Variants in FCHSD2 observed in about 807,000 individuals in gnomAD.
FCHSD2 encodes FCH and double SH3 domains 2, also known as F-BAR and double SH3 domains protein 2.
A neutral mutation model predicts 108.1 loss-of-function variants in FCHSD2; 38 were observed. The observed-to-expected ratio is 0.35, with a 90% CI of 0.27 to 0.46. FCHSD2 has a LOEUF of 0.46. Ranked by LOEUF, FCHSD2 falls within the 20% of genes least tolerant of loss-of-function variation. FCHSD2 has a pLI of 1.00. For synonymous variants in FCHSD2, 279 were observed against 314.7 expected (o/e 0.89, Z 1.20); for missense variants, 751 against 897.8 (o/e 0.84, Z 2.09).
rs1267252799 is a variant in FCHSD2 at position 73,063,283 on chromosome 11, A to G, written c.165+20412T>C. On this transcript the variant is annotated intron_variant, in intron 3 of 19. Transcript: ENST00000409418. ...AGGCCTGCCTTTGAAGGGCTCCTGA[A>G]GGAAGCACTAAACATGGAAAGGAAC... Among the ~76,000 whole-genome samples, 3 of 152,360 alleles carry G rather than the reference A, an allele frequency of 2.0e-5. No homozygotes were observed. In the East Asian group the frequency reaches 5.8e-4, roughly 29 times the overall value.
intron 8 of FCHSD2, among the ~76,000 whole-genome samples, chr11:72,968,438 T>C (rs1856952965): frequency 6.6e-6 from 1 of 152,242 alleles, no homozygotes; most frequent in Non-Finnish European, 1.5e-5. Flanking sequence ...CCTGTAGTTA[T>C]GTCTTGATGT....
chr11:72,912,433 T>C (rs769462763), intron 9 of FCHSD2, among the ~76,000 whole-genome samples: 4 of 152,240 alleles, frequency 2.6e-5, no homozygotes, highest in East Asian at 1.9e-4. Context: ...ACAGAGTGAT[T>C]TGTGTATGTT....
chr11:72,840,995 A>C (rs750081391), intron 18 of FCHSD2, 36 bp from the exon 19 acceptor site: 7 of 1,513,374 alleles, frequency 4.6e-6, no homozygotes, highest in Non-Finnish European at 6.4e-6. Context: ...ATTTTACTTG[A>C]GTTGTTGAGC....
At chr11:72,955,891 A>G (rs778363393) in intron 8 of FCHSD2, among the ~76,000 whole-genome samples, 18 of 152,220 alleles carry the variant, frequency 1.2e-4, no homozygotes, top group Non-Finnish European at 2.2e-4. Context: ...ACATACATAT[A>G]TTTCCTAGTT....
At chr11:73,113,601 A>G (rs1860541696) in intron 2 of FCHSD2, among the ~76,000 whole-genome samples, 1 of 151,706 alleles carries the variant, frequency 6.6e-6, no homozygotes, top group Admixed American at 6.6e-5. Flanking sequence ...ATGCTTGTGG[A>G]TATTTGTCGG....
intron 8 of FCHSD2, among the ~76,000 whole-genome samples, chr11:72,928,190 T>C (rs796527069): frequency 7.2e-5 from 11 of 152,042 alleles, no homozygotes; most frequent in African/African-American, 2.7e-4. Context: ...CAGTGTATGT[T>C]GGAAATTTTT....
chr11:72,846,755 T>C (rs1861156386), intron 14 of FCHSD2, among the ~76,000 whole-genome samples: 1 of 152,214 alleles, frequency 6.6e-6, no homozygotes, highest in African/African-American at 2.4e-5. Context: ...ACAATATGTT[T>C]TTCCTGATTA....
intron 3 of FCHSD2, among the ~76,000 whole-genome samples, chr11:73,076,835 G>A (rs1442243618): frequency 2.6e-5 from 4 of 152,106 alleles, no homozygotes; most frequent in African/African-American, 4.8e-5. Flanking sequence ...GCTAGGCCCG[G>A]CGCAGTGCCT....
chr11:73,015,225 TC>T (rs2135432547), intron 4 of FCHSD2, among the ~76,000 whole-genome samples: 1 of 152,360 alleles, frequency 6.6e-6, no homozygotes, highest in South Asian at 2.1e-4. Flanking sequence ...TCCATTCTCA[TC>T]CACCTTCATT....
Position 73,020,740 on chromosome 11 carries a change from C to T in FCHSD2, c.166-4855G>A, listed in dbSNP as rs953424329. On this transcript the variant is annotated intron_variant, in intron 3 of 19. Coordinates refer to ENST00000409418, the MANE Select transcript of FCHSD2 (RefSeq NM_014824.3). The stretch of plus-strand genomic sequence containing the variant: ...TATTTACTTTTCCATAATTTCATGA[C>T]GAAATGAAATATTAATCTCATATAA... Among the ~76,000 whole-genome samples the T allele has an allele frequency of 1.8e-4, 27 of 151,106 alleles. No individual in the cohort carries two copies. In the East Asian group the frequency reaches 2.9e-3, roughly 16 times the overall value.
At chr11:73,020,646 T>C (rs899604729) in intron 3 of FCHSD2, among the ~76,000 whole-genome samples, 1 of 152,112 alleles carries the variant, frequency 6.6e-6, no homozygotes. Flanking sequence ...TTCATTGTTC[T>C]GTGTGGTATA....
chr11:72,899,268 G>A (rs1019684703), intron 10 of FCHSD2, among the ~76,000 whole-genome samples: 1 of 152,056 alleles, frequency 6.6e-6, no homozygotes, highest in Non-Finnish European at 1.5e-5. Flanking sequence ...AGAGTAAACT[G>A]CAACTCATCT....
chr11:73,020,184 A>C (rs1858068717), intron 3 of FCHSD2, among the ~76,000 whole-genome samples: 1 of 152,182 alleles, frequency 6.6e-6, no homozygotes, highest in East Asian at 1.9e-4. Flanking sequence ...ACCTCTCAAT[A>C]ACACTTGCTG....
At chr11:72,900,221 C>CCCAA in intron 10 of FCHSD2, 3 of 566,844 alleles carry the variant, frequency 5.3e-6, no homozygotes, top group Non-Finnish European at 1.0e-5. Context: ...ACCCACACTT[C>CCCAA]CCATCCCTCC....
rs191155895 is a variant in FCHSD2 at position 72,943,095 on chromosome 11, G to A, written c.706-21145C>T. 8.3e-4 allele frequency among the ~76,000 whole-genome samples: 127 copies of A among 152,246 alleles called. 1 individual carries two copies. The highest frequency in any genetic ancestry group is 1.5e-3 in the Non-Finnish European group (105 of 68,010). ...CAACCTCCGCCTCCCGGGTTCAAGT[G>A]ATTCTCCTTCCTTGGCCTCCTGAGT... On this transcript the variant is annotated intron_variant, in intron 8 of 19. Coordinates refer to ENST00000409418, the MANE Select transcript of FCHSD2 (RefSeq NM_014824.3).
chr11:73,091,654 C>G (rs1249458063), intron 2 of FCHSD2, among the ~76,000 whole-genome samples: 1 of 152,204 alleles, frequency 6.6e-6, no homozygotes, highest in Non-Finnish European at 1.5e-5. Flanking sequence ...TTAAAAGGAC[C>G]AGTAGGCTCA....
Position 72,837,230 on chromosome 11 carries a change from AAAAC to A in FCHSD2, c.*1557_*1560del, listed in dbSNP as rs560792460. On this transcript the variant is annotated 3_prime_UTR_variant, in exon 20 of 20. Coordinates refer to ENST00000409418, the MANE Select transcript of FCHSD2 (RefSeq NM_014824.3). ...TAGATCAACAGGTTAAGAAGTGTAA[AAAAC>A]AACAACGAAAAAAAACCCCAAATCA... The A allele has an allele frequency of 3.9e-3, 593 of 152,666 alleles. 5 individuals are homozygous for A. The highest frequency in any genetic ancestry group is 6.1e-3 in the Non-Finnish European group (416 of 68,022). 9.5% of individuals were successfully genotyped at this position (152,666 alleles called of 1,614,324 possible).
At chr11:73,121,627 T>A (rs1182535791) in intron 2 of FCHSD2, among the ~76,000 whole-genome samples, 1 of 151,844 alleles carries the variant, frequency 6.6e-6, no homozygotes, top group Non-Finnish European at 1.5e-5. Context: ...CAATAAAGTC[T>A]TAACAAAGAA....
At chr11:72,886,990 C>T (rs1395499921) in intron 12 of FCHSD2, among the ~76,000 whole-genome samples, 1 of 151,934 alleles carries the variant, frequency 6.6e-6, no homozygotes, top group East Asian at 1.9e-4. Context: ...CTCTGCTTAG[C>T]CAAATCTTCC....
Sources: allele counts gnomAD v4.1 joint callset (sites outside exome capture counted in the v4.1 genomes callset), GRCh38; gene constraint gnomAD v4.1.1; transcripts MANE v1.5; gene names NCBI Gene and HGNC (gene_info 2026-07-23, HGNC 2026-07-21).